Variants in HSP90AA1 observed in about 807,000 individuals in gnomAD.
HSP90AA1 encodes heat shock protein 90 alpha family class A member 1, also known as heat shock protein HSP 90-alpha.
In HSP90AA1, 18 loss-of-function variants were observed where a neutral mutation model predicts 73.3. The ratio of observed to expected loss-of-function variants is 0.25; its 90% CI spans 0.17 to 0.36. The LOEUF is 0.36. HSP90AA1 is among the 10% of genes least tolerant of loss of function. HSP90AA1 has a pLI of 1.00. For missense variants in HSP90AA1, 704 were observed against 874.2 expected (o/e 0.81, Z 2.45); for synonymous variants, 477 against 296.9 (o/e 1.61, Z -6.24).
At chr14:102,128,960 G>T (rs1349062359) in intron 1 of HSP90AA1, among the ~76,000 whole-genome samples, 1 of 152,134 alleles carries the variant, frequency 6.6e-6, no homozygotes, top group Non-Finnish European at 1.5e-5. Flanking sequence ...TTGGTTCTCA[G>T]AGCCCTTAGT....
In HSP90AA1 at chr14:102,122,524, A is replaced by G. The variant is rs992185231; in HGVS notation, c.155+16726T>C. ...TCTTGATCTCCTGATCTTGTGATCC[A>G]CCTGCCTCGGCCTCCCAAAGTGTTG... is the stretch of plus-strand genomic sequence containing the variant. On this transcript the variant is annotated intron_variant, in intron 1 of 11. Coordinates refer to the HSP90AA1 transcript ENST00000334701. Among the ~76,000 whole-genome samples the G allele has an allele frequency of 5.3e-5, 8 of 151,956 alleles. No homozygotes were observed. The South Asian group carries it at 1.2e-3, about 24-fold the overall frequency.
At chr14:102,103,769 A>C (rs992845675) in intron 1 of HSP90AA1, among the ~76,000 whole-genome samples, 4 of 151,386 alleles carry the variant, frequency 2.6e-5, no homozygotes, top group African/African-American at 9.7e-5. Flanking sequence ...GCACCATTGC[A>C]CTCTAGCCTG....
At chr14:102,103,816 A>C (rs2049527828) in intron 1 of HSP90AA1, among the ~76,000 whole-genome samples, 1 of 151,862 alleles carries the variant, frequency 6.6e-6, no homozygotes, top group South Asian at 2.1e-4. Context: ...AAACAAAAAA[A>C]AAAAAACAAA....
At chr14:102,131,581 G>A (rs900013187) in intron 1 of HSP90AA1, among the ~76,000 whole-genome samples, 4 of 152,098 alleles carry the variant, frequency 2.6e-5, no homozygotes, top group Non-Finnish European at 4.4e-5. Context: ...CTTCCGCCTC[G>A]GGGTCTCTGC....
chr14:102,097,598 G>T (rs953867034), intron 2 of HSP90AA1, among the ~76,000 whole-genome samples: 5 of 151,832 alleles, frequency 3.3e-5, no homozygotes, highest in African/African-American at 1.2e-4. Context: ...AGGCCTAGCT[G>T]GTCCGTCCAG....
intron 1 of HSP90AA1, among the ~76,000 whole-genome samples, chr14:102,086,582 GCCGCCGCAGGCCCGGGCCCAGTCCC>G (rs1219598843): frequency 5.3e-5 from 8 of 151,960 alleles, no homozygotes; most frequent in Non-Finnish European, 1.0e-4. Flanking sequence ...CTTCCGGGAG[GCCGCCGCAGGCCCGGGCCCAGTCCC>G]CCGCCGCGGT....
rs189235249 is a variant in HSP90AA1, at chr14:102,085,740, G to T, written c.529+18C>A. 5.6e-5 allele frequency: 91 copies of T among 1,613,932 alleles called. No individual in the cohort carries two copies. In the African/African-American group the frequency reaches 1.0e-3, roughly 18 times the overall value. ...CCCTTCCACCGCTCACTTAACCAGT[G>T]AATGTTCAGGTGCCTACCTGTGTCT... On this transcript the variant is annotated intron_variant, in intron 3 of 10. Transcript: ENST00000216281.
chr14:102,093,251 C>T (rs528594954), intron 2 of HSP90AA1, among the ~76,000 whole-genome samples: 49 of 150,420 alleles, frequency 3.3e-4, no homozygotes, highest in African/African-American at 1.1e-3. Flanking sequence ...TGGCTCACGC[C>T]TGTAATCCCA....
At position 102,081,013 on chromosome 14, in the gene HSP90AA1, C is replaced by A; in HGVS notation, c.*699G>T. ...GGCACTAACTGTCATCCAGATACTC[C>A]CCTTTCCCCCTAAATAAGACACTGT... On this transcript the variant is annotated 3_prime_UTR_variant, in exon 11 of 11. Transcript: ENST00000216281. 4.4e-6 allele frequency: 1 copy of A among 227,686 alleles called. No individual in the cohort carries two copies. Among genetic ancestry groups the A allele is most frequent in the Non-Finnish European group, 8.7e-6 (1 of 114,604 alleles). The allele number at this position is 227,686 out of a possible 1,614,324, so 14.1% of individuals were successfully genotyped here.
At chr14:102,093,503 T>A (rs891382142) in intron 2 of HSP90AA1, among the ~76,000 whole-genome samples, 3 of 147,520 alleles carry the variant, frequency 2.0e-5, no homozygotes, top group Non-Finnish European at 4.5e-5. Flanking sequence ...AAAAAAAAAA[T>A]TCTGTCATTT....
intron 1 of HSP90AA1, among the ~76,000 whole-genome samples, chr14:102,104,794 T>C (rs1425169333): frequency 2.0e-5 from 3 of 150,900 alleles, no homozygotes; most frequent in Non-Finnish European, 3.0e-5. Context: ...TCTCTACCTC[T>C]TTTTTAGCTC....
chr14:102,089,131 G>C (rs1382831641), upstream of HSP90AA1, among the ~76,000 whole-genome samples: 1 of 152,134 alleles, frequency 6.6e-6, no homozygotes, highest in Non-Finnish European at 1.5e-5. Context: ...ATGTTGGCCA[G>C]GCTGGTCTCG....
intron 1 of HSP90AA1, among the ~76,000 whole-genome samples, chr14:102,136,878 G>C (rs1275708259): frequency 7.1e-6 from 1 of 140,458 alleles, no homozygotes; most frequent in African/African-American, 2.7e-5. Context: ...ACAAGAGCGA[G>C]ACTTCTCTTA....
At position 102,082,502 on chromosome 14, in the gene HSP90AA1, G is replaced by A. The variant is rs1462190852; in HGVS notation, c.1756-58C>T. The A allele has an allele frequency of 2.2e-6, 3 of 1,387,596 alleles. No individual in the cohort carries two copies. In the East Asian group the frequency reaches 7.0e-5, roughly 32 times the overall value. The allele number at this position is 1,387,596 out of a possible 1,614,324, so 86.0% of individuals were successfully genotyped here. A position where few individuals can be genotyped will look rare whatever the true frequency, so the allele number is the denominator to read the frequency against. ...AAAGATTAATTCCTAAACTTTCATTGTGAAATGAAATCTGTAGAACCCAAA... is the reference window on the plus strand; with the variant it reads ...AAAGATTAATTCCTAAACTTTCATTATGAAATGAAATCTGTAGAACCCAAA... On this transcript the variant is annotated intron_variant, in intron 9 of 10. Transcript: ENST00000216281.
chr14:102,084,387 A>G lies in HSP90AA1; in HGVS notation c.1147+12T>C. 6.2e-7 allele frequency: 1 copy of G among 1,609,482 alleles called. No homozygotes were observed. Among genetic ancestry groups the G allele is most frequent in the South Asian group, 1.1e-5 (1 of 90,974 alleles). On this transcript the variant is annotated intron_variant, in intron 6 of 10. Coordinates refer to ENST00000216281, the MANE Select transcript of HSP90AA1 (RefSeq NM_005348.4). ...ATCAGTGACAGTGATTATTTTTCCT[A>G]TCTATACTTACTCAGATATTCAGGG... is the stretch of plus-strand genomic sequence containing the variant.
chr14:102,135,554 G>A (rs2049979999), intron 1 of HSP90AA1, among the ~76,000 whole-genome samples: 1 of 152,276 alleles, frequency 6.6e-6, no homozygotes, highest in Non-Finnish European at 1.5e-5. Context: ...GGGCGCCGTG[G>A]AGCAGGAGGT....
intron 1 of HSP90AA1, among the ~76,000 whole-genome samples, chr14:102,132,672 C>T (rs1413944990): frequency 1.3e-5 from 2 of 151,592 alleles, no homozygotes; most frequent in East Asian, 2.0e-4. Flanking sequence ...AATATCAATA[C>T]AAGGGGCTGG....
intron 1 of HSP90AA1, among the ~76,000 whole-genome samples, chr14:102,116,567 G>C (rs1392386757): frequency 6.6e-6 from 1 of 152,212 alleles, no homozygotes; most frequent in African/African-American, 2.4e-5. Context: ...GGTGAGACCT[G>C]TTCCCAGGCC....
At chr14:102,129,667 T>C (rs2049883388) in intron 1 of HSP90AA1, among the ~76,000 whole-genome samples, 1 of 151,912 alleles carries the variant, frequency 6.6e-6, no homozygotes, top group African/African-American at 2.4e-5. Context: ...CATTCCCAGC[T>C]AATTTTTGTA....
Sources: gnomAD v4.1 joint callset for allele counts (sites outside exome capture counted in the v4.1 genomes callset) on GRCh38, gnomAD v4.1.1 for gene constraint, MANE v1.5 for transcripts, NCBI Gene and HGNC (gene_info 2026-07-23, HGNC 2026-07-21) for gene names.